The following UNC5D variants were observed in gnomAD, a reference collection of about 807,000 sequenced individuals.
UNC5D encodes netrin receptor UNC5D.
UNC5D carries 39 observed loss-of-function variants against 105.4 expected under a neutral mutation model. The ratio of observed to expected loss-of-function variants is 0.37; its 90% confidence interval spans 0.29 to 0.48. UNC5D has a LOEUF of 0.48. Among genes scored for constraint, UNC5D ranks in the 20% least tolerant of loss-of-function variants. UNC5D has a pLI of 0.98. For missense variants in UNC5D, 991 were observed against 1,202.4 expected (o/e 0.82, Z 2.60); for synonymous variants, 452 against 450.4 (o/e 1.00, Z -0.04).
chr8:35,718,230 A>G (rs1298786410), intron 8 of UNC5D, among the ~76,000 whole-genome samples: 72 of 152,150 alleles, frequency 4.7e-4, no homozygotes, highest in Non-Finnish European at 1.2e-4. Flanking sequence ...CAGGAAAGAC[A>G]TTAGTAACAT....
At chr8:35,413,466 T>C (rs546270924) in intron 1 of UNC5D, among the ~76,000 whole-genome samples, 1 of 152,060 alleles carries the variant, frequency 6.6e-6, no homozygotes, top group South Asian at 2.1e-4. Context: ...ATGGGCTTTT[T>C]TTTTTTTTTA....
intron 11 of UNC5D, among the ~76,000 whole-genome samples, chr8:35,734,062 G>A (rs572555749): frequency 6.6e-6 from 1 of 152,070 alleles, no homozygotes; most frequent in African/African-American, 2.4e-5. Flanking sequence ...CTGTAGCCCA[G>A]GCCTTGCCAC....
chr8:35,385,283 T>G (rs927088010), intron 1 of UNC5D, among the ~76,000 whole-genome samples: 1 of 152,138 alleles, frequency 6.6e-6, no homozygotes, highest in Admixed American at 6.5e-5. Flanking sequence ...TGATCTTCCC[T>G]AGGGCTGAAT....
chr8:35,572,084 C>T (rs1158094730), intron 3 of UNC5D, among the ~76,000 whole-genome samples: 5 of 152,108 alleles, frequency 3.3e-5, no homozygotes, highest in Admixed American at 6.6e-5. Context: ...CCTAGGAGTT[C>T]GAGACCAGCC....
chr8:35,489,352 C>G (rs1811046939), intron 1 of UNC5D, among the ~76,000 whole-genome samples: 1 of 152,078 alleles, frequency 6.6e-6, no homozygotes, highest in African/African-American at 2.4e-5. Context: ...CCCCCAAATT[C>G]ATATGTTGAA....
At chr8:35,550,500 A>G (rs114686223) in intron 2 of UNC5D, among the ~76,000 whole-genome samples, 1,990 of 152,290 alleles carry the variant, frequency 0.013, 60 homozygotes, top group African/African-American at 0.046. Flanking sequence ...GTCAAAAAAC[A>G]TCAGTATAAC....
intron 1 of UNC5D, among the ~76,000 whole-genome samples, chr8:35,343,945 C>T (rs1811630477): frequency 1.3e-5 from 2 of 152,058 alleles, no homozygotes; most frequent in Admixed American, 1.3e-4. Flanking sequence ...CTGAAGGTTA[C>T]ATAAGACTAC....
At chr8:35,607,287 T>C (rs1420026836) in intron 4 of UNC5D, among the ~76,000 whole-genome samples, 1 of 152,200 alleles carries the variant, frequency 6.6e-6, no homozygotes, top group Non-Finnish European at 1.5e-5. Flanking sequence ...AGTTACTCAC[T>C]TCCTATATTA....
At chr8:35,614,282 T>C (rs1397655154) in intron 4 of UNC5D, among the ~76,000 whole-genome samples, 2 of 152,216 alleles carry the variant, frequency 1.3e-5, no homozygotes, top group Non-Finnish European at 2.9e-5. Flanking sequence ...CAGGAATCAC[T>C]AGACTATTGT....
chr8:35,260,790 G>A (rs377217319), intron 1 of UNC5D, among the ~76,000 whole-genome samples: 2 of 152,156 alleles, frequency 1.3e-5, no homozygotes, highest in East Asian at 1.9e-4. Context: ...TGTAGCAGCT[G>A]TGACTCTTAA....
At chr8:35,389,366 G>A (rs111397004) in intron 1 of UNC5D, among the ~76,000 whole-genome samples, 2,331 of 152,208 alleles carry the variant, frequency 0.015, 69 homozygotes, top group African/African-American at 0.054. Context: ...ATCTGGGTAG[G>A]GCTTGGGGCT....
chr8:35,684,529 A>G, intron 5 of UNC5D, 53 bp from the exon 6 acceptor site: 2 of 1,580,192 alleles, frequency 1.3e-6, no homozygotes, highest in East Asian at 2.2e-5. Context: ...ATAGTAGGCA[A>G]TCAGTAAAAA....
At chr8:35,465,185 G>A (rs1809209704) in intron 1 of UNC5D, among the ~76,000 whole-genome samples, 1 of 152,182 alleles carries the variant, frequency 6.6e-6, no homozygotes, top group East Asian at 1.9e-4. Flanking sequence ...GAGTCCTGGG[G>A]TTCCAGACCA....
intron 2 of UNC5D, among the ~76,000 whole-genome samples, chr8:35,564,345 G>A (rs1817177536): frequency 6.6e-6 from 1 of 152,068 alleles, no homozygotes; most frequent in Admixed American, 6.5e-5. Context: ...GGTGTATTCT[G>A]CTTTAATAGG....
chr8:35,335,526 C>T (rs1400432228), intron 1 of UNC5D, among the ~76,000 whole-genome samples: 1 of 152,032 alleles, frequency 6.6e-6, no homozygotes, highest in Non-Finnish European at 1.5e-5. Context: ...TTAAGTTTAA[C>T]AATTTGAAAA....
chr8:35,777,841 TGAAG>T (rs1802326072), intron 16 of UNC5D, among the ~76,000 whole-genome samples: 1 of 152,076 alleles, frequency 6.6e-6, no homozygotes, highest in Admixed American at 6.6e-5. Context: ...TATCTTAAAG[TGAAG>T]GAAGAAGGGA....
At chr8:35,380,549 G>C (rs1802983880) in intron 1 of UNC5D, among the ~76,000 whole-genome samples, 2 of 152,088 alleles carry the variant, frequency 1.3e-5, no homozygotes, top group Non-Finnish European at 2.9e-5. Context: ...CTTTTTCCAA[G>C]AGATTCCATT....
At chr8:35,561,256 C>T (rs147384987) in intron 2 of UNC5D, among the ~76,000 whole-genome samples, 137 of 152,274 alleles carry the variant, frequency 9.0e-4, no homozygotes, top group African/African-American at 3.2e-3. Flanking sequence ...TACCAGACAA[C>T]TCGGGTACCA....
In UNC5D at chr8:35,273,976, A is replaced by G. The variant is rs1024581985; in HGVS notation, c.103+38089A>G. 4.6e-5 allele frequency among the ~76,000 whole-genome samples: 7 copies of G among 151,910 alleles called. No homozygotes were observed. In the South Asian group the frequency reaches 6.2e-4, roughly 14 times the overall value. On this transcript the variant is annotated intron_variant, in intron 1 of 16. Coordinates refer to ENST00000404895, the MANE Select transcript of UNC5D (RefSeq NM_080872.4). ...TTTTTATGCCTTTTATGGAGTTTTT[A>G]TATTAATGTCAATTTATCGTGGTTT...
Sources: allele counts gnomAD v4.1 joint callset (sites outside exome capture counted in the v4.1 genomes callset), GRCh38; gene constraint gnomAD v4.1.1; transcripts MANE v1.5; gene names NCBI Gene and HGNC (gene_info 2026-07-23, HGNC 2026-07-21).